The following CASK variants were observed in gnomAD, a reference collection of about 807,000 sequenced individuals.
CASK encodes peripheral plasma membrane protein CASK.
Under a neutral mutation model 82.9 loss-of-function variants are expected in CASK, and 4 were observed. The ratio of observed to expected loss-of-function variants is 0.05; its 90% CI spans 0.02 to 0.11. CASK has a LOEUF of 0.11. Ranked by LOEUF, CASK falls within the 10% of genes least tolerant of loss-of-function variation. CASK has a pLI of 1.00. For missense variants in CASK, 358 were observed against 720.9 expected (o/e 0.50, Z 5.76); for synonymous variants, 259 against 253.5 (o/e 1.02, Z -0.20).
intron 2 of CASK, among the ~76,000 whole-genome samples, chrX:41,821,335 C>A (rs1256177959): frequency 9.0e-6 from 1 of 111,644 alleles, no homozygotes; most frequent in Non-Finnish European, 1.9e-5. Flanking sequence ...CATTTTTAGT[C>A]ATAAGGTAAA....
intron 8 of CASK, among the ~76,000 whole-genome samples, chrX:41,659,659 T>G (rs759030260): frequency 8.9e-6 from 1 of 112,118 alleles, no homozygotes; most frequent in Non-Finnish European, 1.9e-5. Context: ...AGTTATAATT[T>G]TCCTTAATAC....
In CASK at chrX:41,567,517, T is replaced by G. The variant is rs1329174964; in HGVS notation, c.1582+2151A>C. 3.6e-5 allele frequency among the ~76,000 whole-genome samples: 4 copies of G among 112,237 alleles called. No homozygotes were observed. The Admixed American group carries it at 3.8e-4, about 11-fold the overall frequency. ...TCATCATCACTGGTCATCAGAGAAA[T>G]GCAAATCAAAACCACAATGAGATAC... On this transcript the variant is annotated intron_variant, in intron 16 of 26. Coordinates refer to ENST00000378163, the MANE Select transcript of CASK (RefSeq NM_001367721.1).
chrX:41,892,374 CT>C (rs2072188339), intron 1 of CASK, among the ~76,000 whole-genome samples: 1 of 110,124 alleles, frequency 9.1e-6, no homozygotes, highest in African/African-American at 3.3e-5. Context: ...TGGCTGTCAC[CT>C]AGGCTGGAGT....
intron 5 of CASK, among the ~76,000 whole-genome samples, chrX:41,695,079 A>C (rs2067655285): frequency 9.0e-6 from 1 of 111,530 alleles, no homozygotes; most frequent in Non-Finnish European, 1.9e-5. Context: ...GTATTCCCAT[A>C]AGAACTTCCC....
chrX:41,615,425 C>G (rs2066176935), intron 11 of CASK, among the ~76,000 whole-genome samples: 1 of 111,441 alleles, frequency 9.0e-6, no homozygotes, highest in Non-Finnish European at 1.9e-5. Context: ...CCACTGAACC[C>G]CTGACCCCAG....
At chrX:41,734,283 G>T (rs2068459932) in intron 5 of CASK, among the ~76,000 whole-genome samples, 1 of 111,719 alleles carries the variant, frequency 9.0e-6, no homozygotes, top group Non-Finnish European at 1.9e-5. Context: ...TGACAGAAAG[G>T]TCTAAAACTA....
At chrX:41,860,542 C>A (rs1010468903) in intron 1 of CASK, among the ~76,000 whole-genome samples, 1 of 111,979 alleles carries the variant, frequency 8.9e-6, no homozygotes, top group African/African-American at 3.2e-5. Flanking sequence ...CCTTGTCTTC[C>A]TGTGCTTTGT....
chrX:41,678,255 C>G (rs1410472339), intron 5 of CASK, among the ~76,000 whole-genome samples: 3 of 111,233 alleles, frequency 2.7e-5, no homozygotes, highest in Admixed American at 1.9e-4. Context: ...CATTTGATGA[C>G]TATGTCTTGT....
chrX:41,775,216 T>C (rs1291563936), intron 3 of CASK, among the ~76,000 whole-genome samples: 1 of 109,642 alleles, frequency 9.1e-6, no homozygotes, highest in African/African-American at 3.3e-5. Context: ...CATCAAAAAG[T>C]GGGCAAAGGA....
At position 41,739,368 on chromosome X, in the gene CASK, A is replaced by T; in HGVS notation, c.429+16T>A. On this transcript the variant is annotated intron_variant, in intron 5 of 26. Coordinates refer to ENST00000378163, the MANE Select transcript of CASK (RefSeq NM_001367721.1). ...TTCTTCACAAACATTAAAGTTAGTGATAACAAATGACTTACCTTCACATCC... is the reference window on the plus strand; with the variant it reads ...TTCTTCACAAACATTAAAGTTAGTGTTAACAAATGACTTACCTTCACATCC... 1 of 1,051,377 alleles carries T rather than the reference A, an allele frequency of 9.5e-7. No homozygotes were observed. The highest frequency in any genetic ancestry group is 1.3e-6 in the Non-Finnish European group (1 of 750,299). 86.6% of individuals were successfully genotyped at this position (1,051,377 alleles called of 1,213,427 possible).
At position 41,727,551 on chromosome X, in the gene CASK, A is replaced by G. The variant is rs202133196; in HGVS notation, c.429+11833T>C. The G allele has an allele frequency of 1.4e-5, 17 of 1,204,754 alleles. No homozygotes were observed. In the African/African-American group the frequency reaches 2.8e-4, roughly 20 times the overall value. On this transcript the variant is annotated intron_variant, in intron 5 of 26. Transcript: ENST00000378163. ...TCATTCCAGTTACCGTATACTACTC[A>G]GTCATAGAGGCTACAGAAGGAGAAG... is the stretch of plus-strand genomic sequence containing the variant.
intron 22 of CASK, among the ~76,000 whole-genome samples, chrX:41,536,618 C>T (rs752758413): frequency 1.5e-4 from 17 of 111,763 alleles, no homozygotes; most frequent in Admixed American, 2.8e-4. Context: ...AAAAGAAACA[C>T]GATATATTAA....
Position 41,673,836 on chromosome X carries a change from T to TG in CASK, c.430-2307_430-2306insC, listed in dbSNP as rs879013204. On this transcript the variant is annotated intron_variant, in intron 5 of 26. Coordinates refer to ENST00000378163, the MANE Select transcript of CASK (RefSeq NM_001367721.1). ...GTGGTGAGAACTCTGGGTGTTTTTT[T>TG]TTTTTTTTTTTTTTTTGCCTCCCAT... 2.9e-4 allele frequency among the ~76,000 whole-genome samples: 24 copies of TG among 82,407 alleles called. 1 individual carries two copies. Among genetic ancestry groups the TG allele is most frequent in the Non-Finnish European group, 3.3e-4 (12 of 36,109 alleles). 71.6% of individuals were successfully genotyped at this position (82,407 alleles called of 115,157 possible).
intron 2 of CASK, among the ~76,000 whole-genome samples, chrX:41,816,416 TTAAC>T (rs1307743032): frequency 1.8e-5 from 2 of 111,412 alleles, no homozygotes; most frequent in African/African-American, 6.5e-5. Context: ...AACAATACTA[TTAAC>T]TAACTTGATC....
intron 5 of CASK, among the ~76,000 whole-genome samples, chrX:41,738,205 C>T (rs919512035): frequency 2.7e-5 from 3 of 112,657 alleles, no homozygotes; most frequent in Admixed American, 9.3e-5. Context: ...GAACTCCTGA[C>T]CTCAGGTGAT....
intron 5 of CASK, among the ~76,000 whole-genome samples, chrX:41,672,315 T>G (rs2067207460): frequency 9.0e-6 from 1 of 110,999 alleles, no homozygotes; most frequent in South Asian, 3.8e-4. Context: ...TGTAGGATGT[T>G]GTCCTCTGCA....
At chrX:41,611,747 G>A (rs1014648722) in intron 11 of CASK, among the ~76,000 whole-genome samples, 2 of 103,085 alleles carry the variant, frequency 1.9e-5, no homozygotes, top group Admixed American at 2.1e-4. Flanking sequence ...CTCTGATGCC[G>A]AGCCGAAGCT....
At chrX:41,745,007 G>A (rs1432685167) in intron 4 of CASK, among the ~76,000 whole-genome samples, 3 of 111,432 alleles carry the variant, frequency 2.7e-5, no homozygotes, top group Non-Finnish European at 5.7e-5. Flanking sequence ...ATAAACCCAC[G>A]TTTTCATTTT....
At chrX:41,744,475 A>T (rs1215182593) in intron 4 of CASK, among the ~76,000 whole-genome samples, 2 of 109,658 alleles carry the variant, frequency 1.8e-5, no homozygotes, top group African/African-American at 6.7e-5. Context: ...CCTCCCGAGT[A>T]GCTGGGACTA....
Sources: allele counts gnomAD v4.1 joint callset (sites outside exome capture counted in the v4.1 genomes callset), GRCh38; gene constraint gnomAD v4.1.1; transcripts MANE v1.5; gene names NCBI Gene and HGNC (gene_info 2026-07-23, HGNC 2026-07-21).